Variants in SLC30A10 observed in about 807,000 individuals in gnomAD.
SLC30A10 encodes the protein solute carrier family 30 member 10.
SLC30A10 carries 8 observed loss-of-function variants against 21.7 expected under a neutral mutation model. The observed-to-expected ratio is 0.37, with a 90% CI of 0.22 to 0.67. The LOEUF (loss-of-function observed/expected upper bound fraction) is 0.67, where lower values mean the gene tolerates loss of function less well. Ranked by LOEUF, SLC30A10 falls within the 30% of genes least tolerant of loss-of-function variation. The pLI is 0.58. For missense variants in SLC30A10, 521 were observed against 642.5 expected (o/e 0.81, Z 2.04); for synonymous variants, 272 against 279.4 (o/e 0.97, Z 0.26).
upstream of SLC30A10, among the ~76,000 whole-genome samples, chr1:219,932,705 CTTT>C (rs58052957): frequency 1.5e-5 from 1 of 64,888 alleles, no homozygotes; most frequent in African/African-American, 4.6e-5. Flanking sequence ...AGTAACCATT[CTTT>C]TTTTTTTTTT....
chr1:219,938,706 C>T (rs1467166353), intron 1 of SLC30A10, among the ~76,000 whole-genome samples: 6 of 152,150 alleles, frequency 3.9e-5, no homozygotes, highest in African/African-American at 2.4e-5. Flanking sequence ...TGCTTCCAAA[C>T]CTAGAAGAGT....
intron 1 of SLC30A10, among the ~76,000 whole-genome samples, chr1:219,940,327 G>A (rs945955523): frequency 2.2e-4 from 34 of 152,310 alleles, no homozygotes; most frequent in African/African-American, 7.9e-4. Context: ...ATAAGTGAAT[G>A]AGCCTTCAAG....
intron 1 of SLC30A10, among the ~76,000 whole-genome samples, chr1:219,941,981 G>A (rs1660129843): frequency 6.6e-6 from 1 of 152,218 alleles, no homozygotes; most frequent in African/African-American, 2.4e-5. Flanking sequence ...GATACTGGCT[G>A]GTATCTTTGA....
chr1:219,930,710 G>C (rs1302394522), upstream of SLC30A10, among the ~76,000 whole-genome samples: 1 of 152,088 alleles, frequency 6.6e-6, no homozygotes, highest in Non-Finnish European at 1.5e-5. Context: ...TTGATCATTG[G>C]AAGTATTTTC....
chr1:219,950,564 G>C (rs993946140), intron 1 of SLC30A10, among the ~76,000 whole-genome samples: 1 of 148,390 alleles, frequency 6.7e-6, no homozygotes, highest in Non-Finnish European at 1.5e-5. Flanking sequence ...GTGTGAACCC[G>C]GGAGGCAGAG....
chr1:219,953,054 G>T (rs1660291549), intron 1 of SLC30A10, among the ~76,000 whole-genome samples: 1 of 152,200 alleles, frequency 6.6e-6, no homozygotes, highest in South Asian at 2.1e-4. Flanking sequence ...GATCTGTGGT[G>T]TGTGCATTCT....
At chr1:219,954,836 C>T (rs1034231436) in intron 1 of SLC30A10, among the ~76,000 whole-genome samples, 2 of 151,250 alleles carry the variant, frequency 1.3e-5, no homozygotes, top group African/African-American at 2.4e-5. Context: ...CAGAAAAAGA[C>T]GCAAAATAGA....
intron 1 of SLC30A10, among the ~76,000 whole-genome samples, chr1:219,935,040 C>T (rs1472563443): frequency 6.6e-6 from 1 of 152,150 alleles, no homozygotes; most frequent in Non-Finnish European, 1.5e-5. Flanking sequence ...ATTCAGAGTT[C>T]ATCATCATTT....
chr1:219,948,167 A>G (rs536030203), intron 1 of SLC30A10, among the ~76,000 whole-genome samples: 6 of 149,482 alleles, frequency 4.0e-5, no homozygotes, highest in Admixed American at 1.3e-4. Context: ...AATCAATATC[A>G]TGAAAATGGC....
chr1:219,927,277 G>T (rs945526319), intron 1 of SLC30A10, 172 bp from the exon 2 acceptor site: 12 of 649,052 alleles, frequency 1.8e-5, no homozygotes, highest in Non-Finnish European at 3.2e-5. Flanking sequence ...ATAGCCTTGT[G>T]ATCCACCTTT....
chr1:219,933,645 A>G (rs999969350), upstream of SLC30A10, among the ~76,000 whole-genome samples: 1 of 152,236 alleles, frequency 6.6e-6, no homozygotes. Context: ...GGTTCATAAG[A>G]AAGGCTCAGT....
intron 1 of SLC30A10, among the ~76,000 whole-genome samples, chr1:219,952,788 C>T (rs1423449595): frequency 6.6e-6 from 1 of 151,968 alleles, no homozygotes; most frequent in East Asian, 1.9e-4. Context: ...AGCCTCTGCA[C>T]ATTGGAAAAA....
chr1:219,936,505 G>A (rs537198275), intron 1 of SLC30A10, among the ~76,000 whole-genome samples: 17 of 152,086 alleles, frequency 1.1e-4, no homozygotes, highest in Non-Finnish European at 2.1e-4. Context: ...AGGTAGGCAC[G>A]TACACCAATC....
Position 219,918,756 on chromosome 1 carries a change from C to A in SLC30A10, c.719-262G>T. ...CTGACCTGCAGGAAGAGCGACTGTG[C>A]CGTCTCACTGGGCCACATCGCTACC... On this transcript the variant is annotated intron_variant, in intron 2 of 3. Transcript: ENST00000366926. This position sits in a 1 kb window ranked among gnomAD's most constrained non-coding sequence, Gnocchi z 4.4. The A allele has an allele frequency of 5.4e-6, 2 of 368,996 alleles. No individual in the cohort carries two copies. Among genetic ancestry groups the A allele is most frequent in the Non-Finnish European group, 9.6e-6 (2 of 208,318 alleles). 22.9% of individuals were successfully genotyped at this position (368,996 alleles called of 1,614,324 possible). A position where few individuals can be genotyped will look rare whatever the true frequency, so the allele number is the denominator to read the frequency against.
At chr1:219,953,733 G>T (rs1660305645) in intron 1 of SLC30A10, among the ~76,000 whole-genome samples, 1 of 142,210 alleles carries the variant, frequency 7.0e-6, no homozygotes. Flanking sequence ...TTGAGACTGA[G>T]TCTTGCTCTG....
intron 1 of SLC30A10, among the ~76,000 whole-genome samples, chr1:219,942,481 T>C (rs1195737728): frequency 6.6e-6 from 1 of 152,246 alleles, no homozygotes; most frequent in Non-Finnish European, 1.5e-5. Context: ...AACTTGAATC[T>C]GTTAGCCTTG....
intron 1 of SLC30A10, among the ~76,000 whole-genome samples, chr1:219,944,937 C>T (rs1660168161): frequency 1.3e-5 from 2 of 152,112 alleles, no homozygotes; most frequent in African/African-American, 2.4e-5. Flanking sequence ...AGAAAACTGG[C>T]AGAGTGGCTA....
chr1:219,939,099 G>A (rs529412233), intron 1 of SLC30A10, among the ~76,000 whole-genome samples: 1 of 152,300 alleles, frequency 6.6e-6, no homozygotes, highest in Admixed American at 6.5e-5. Context: ...GAGGATTGGA[G>A]AGCTTTCTTG....
Position 219,915,580 on chromosome 1 carries a change from C to A in SLC30A10, c.1327G>T (p.Asp443Tyr). ...GGPSLDTYGS[D>Y]GLSRRDAREV... ...CTTGCGTCTCTTCTACTGAGGCCATCACTTCCGTATGTGTCTAGAGAGGGC... is the reference window on the plus strand; with the variant it reads ...CTTGCGTCTCTTCTACTGAGGCCATAACTTCCGTATGTGTCTAGAGAGGGC... Residue 443 changes from aspartate to tyrosine, a missense_variant, in exon 4 of 4, where the codon GAT (aspartate) becomes TAT (tyrosine). Physicochemically the swap from Asp to Tyr is radical, Grantham distance 160 (BLOSUM62 -3). Coordinates refer to ENST00000366926, the MANE Select transcript of SLC30A10 (RefSeq NM_018713.3). 13 of 1,614,264 alleles carry A rather than the reference C, an allele frequency of 8.1e-6. No homozygotes were observed. The highest frequency in any genetic ancestry group is 8.5e-6 in the Non-Finnish European group (10 of 1,180,058).
Sources: allele counts gnomAD v4.1 joint callset (sites outside exome capture counted in the v4.1 genomes callset), GRCh38; gene constraint gnomAD v4.1.1; non-coding constraint Gnocchi (gnomAD v3.1); transcripts MANE v1.5; gene names NCBI Gene and HGNC (gene_info 2026-07-23, HGNC 2026-07-21).